Variants in LRRC27 observed in about 807,000 individuals in gnomAD.
LRRC27 encodes the protein leucine rich repeat containing 27, also known as leucine-rich repeat-containing protein 27.
LRRC27 carries 57 observed loss-of-function variants against 55.0 expected under a neutral mutation model. The observed-to-expected ratio is 1.04, with a 90% CI of 0.84 to 1.29. LRRC27 has a LOEUF of 1.29. LRRC27 is among the 50% of genes most tolerant of loss of function. The pLI, the probability that LRRC27 is intolerant of heterozygous loss-of-function variation, is 0.00. For missense variants in LRRC27, 721 were observed against 651.5 expected (o/e 1.11, Z -1.16); for synonymous variants, 278 against 251.9 (o/e 1.10, Z -0.98).
rs3812640 is a variant in LRRC27, at chr10:132,355,898, G to A, written c.1170+12G>A. 138 of 1,542,324 alleles carry A rather than the reference G, an allele frequency of 8.9e-5. No individual in the cohort carries two copies. The East Asian group carries it at 3.0e-3, about 33-fold the overall frequency. On this transcript the variant is annotated intron_variant, in intron 8 of 10. Transcript: ENST00000368614. ...CGCGGAGGAGCATGGTACGGCACGC[G>A]CGGGCGGTGACCGGGCACTAGTCCA...
intron 7 of LRRC27, among the ~76,000 whole-genome samples, chr10:132,355,477 A>G (rs1236302824): frequency 2.6e-5 from 4 of 152,200 alleles, no homozygotes; most frequent in Admixed American, 1.3e-4. Flanking sequence ...TGGCAGCCCC[A>G]GCTGGTGCCC....
Position 132,344,604 on chromosome 10 carries a change from G to A in LRRC27, c.507G>A (p.Arg169=). 6.2e-7 allele frequency: 1 copy of A among 1,614,132 alleles called. No homozygotes were observed. The highest frequency in any genetic ancestry group is 8.5e-7 in the Non-Finnish European group (1 of 1,180,018). Residue 169 remains arginine (R), a synonymous_variant, in exon 5 of 11, where the codon CGG becomes CGA. Coordinates refer to ENST00000368614, the MANE Select transcript of LRRC27 (RefSeq NM_030626.3). ...TGGTGGCTATCCAGCGCTTCCTGCG[G>A]ATGTGGGCAGTAGAACACTCTCTCC... ...KGLVAIQRFL[R]MWAVEHSLPR... is the part of the protein sequence containing the mutation.
chr10:132,361,376 T>C, intron 8 of LRRC27, 81 bp from the exon 9 acceptor site: 1 of 1,203,710 alleles, frequency 8.3e-7, no homozygotes, highest in Non-Finnish European at 1.2e-6. Flanking sequence ...GAGGAGCTAG[T>C]CTAACACACC....
intron 8 of LRRC27, among the ~76,000 whole-genome samples, chr10:132,360,977 T>A (rs1173394145): frequency 6.6e-6 from 1 of 152,160 alleles, no homozygotes; most frequent in Non-Finnish European, 1.5e-5. Context: ...ACGCCGCCGT[T>A]GGGGTGCTAG....
In LRRC27 at chr10:132,337,549, C is replaced by A; in HGVS notation, c.211-16C>A. ...TTGGTTAACAAAACATTCTCTGATTCTCTTTTCCATGGAAGCAATTGCATC... is the reference window on the plus strand; with the variant it reads ...TTGGTTAACAAAACATTCTCTGATTATCTTTTCCATGGAAGCAATTGCATC... On this transcript the variant is annotated splice_polypyrimidine_tract_variant and intron_variant, in intron 2 of 10. Transcript: ENST00000368614. 1.9e-6 allele frequency: 3 copies of A among 1,608,888 alleles called. No homozygotes were observed. The highest frequency in any genetic ancestry group is 2.5e-6 in the Non-Finnish European group (3 of 1,177,924).
intron 2 of LRRC27, chr10:132,336,829 G>A (rs746766356): frequency 6.6e-6 from 5 of 758,486 alleles, no homozygotes; most frequent in Admixed American, 1.9e-5. Flanking sequence ...ATATAATAAT[G>A]TGAGTATAAA....
At chr10:132,331,260 G>T (rs185637709), upstream of LRRC27, among the ~76,000 whole-genome samples, 3 of 150,178 alleles carry the variant, frequency 2.0e-5, no homozygotes, top group Non-Finnish European at 3.0e-5. Flanking sequence ...AACTGTCCGG[G>T]TTTCCAGAGT....
chr10:132,381,050 T>C lies in LRRC27; in HGVS notation c.*5808T>C, dbSNP rs1198767400. ...CATATTAAATGTCAACTTGATTAGA[T>C]TGAAGAATGTAAAGTATTGTTTCTG... is the stretch of plus-strand genomic sequence containing the variant. On this transcript the variant is annotated 3_prime_UTR_variant, in exon 11 of 11. Coordinates refer to ENST00000368614, the MANE Select transcript of LRRC27 (RefSeq NM_030626.3). Among the ~76,000 whole-genome samples, 1 of 152,212 alleles carries C rather than the reference T, an allele frequency of 6.6e-6. No homozygotes were observed. Among genetic ancestry groups the C allele is most frequent in the East Asian group, 1.9e-4 (1 of 5,196 alleles).
intron 10 of LRRC27, among the ~76,000 whole-genome samples, chr10:132,367,231 C>T (rs1426820212): frequency 1.3e-5 from 2 of 152,200 alleles, no homozygotes; most frequent in African/African-American, 4.8e-5. Context: ...GTATCTATTA[C>T]AGGAATTCAA....
intron 3 of LRRC27, among the ~76,000 whole-genome samples, 163 bp downstream of exon 3, chr10:132,337,858 C>A (rs1427540823): frequency 6.6e-6 from 1 of 152,200 alleles, no homozygotes; most frequent in Non-Finnish European, 1.5e-5. Flanking sequence ...GCTGAATGTA[C>A]CCAACACAGA....
At chr10:132,331,794 C>G (rs749627139), upstream of LRRC27, 40 of 1,599,958 alleles carry the variant, frequency 2.5e-5, no homozygotes, top group East Asian at 8.3e-4. Flanking sequence ...CCCTCGCGGT[C>G]TCTACTTGCC....
In LRRC27 at chr10:132,379,213, C is replaced by T. The variant is rs112417655; in HGVS notation, c.*3971C>T. On this transcript the variant is annotated 3_prime_UTR_variant, in exon 11 of 11. Coordinates refer to ENST00000368614, the MANE Select transcript of LRRC27 (RefSeq NM_030626.3). ...TCCTCTCCAGAGTTTCCTCTCACCTCCGTGTTCTCGGGGAGTGCGTGGTCT... is the reference window on the plus strand; with the variant it reads ...TCCTCTCCAGAGTTTCCTCTCACCTTCGTGTTCTCGGGGAGTGCGTGGTCT... 6,416 of 149,244 alleles carry T rather than the reference C, an allele frequency of 0.043. 54 individuals are homozygous for T. Among genetic ancestry groups the T allele is most frequent in the Middle Eastern group, 0.079 (22 of 280 alleles). The allele number at this position is 149,244 out of a possible 1,614,324, so 9.2% of individuals were successfully genotyped here. A position where few individuals can be genotyped will look rare whatever the true frequency, so the allele number is the denominator to read the frequency against.
At chr10:132,354,631 C>G (rs1467390523) in intron 7 of LRRC27, among the ~76,000 whole-genome samples, 1 of 152,226 alleles carries the variant, frequency 6.6e-6, no homozygotes, top group African/African-American at 2.4e-5. Context: ...CCAGGCAGCA[C>G]TGACTCGGGA....
chr10:132,352,729 A>G (rs370424426), intron 7 of LRRC27, among the ~76,000 whole-genome samples: 1 of 151,964 alleles, frequency 6.6e-6, no homozygotes, highest in South Asian at 2.1e-4. Flanking sequence ...CGTTGCGTGC[A>G]TGGGCTCCCT....
intron 9 of LRRC27, among the ~76,000 whole-genome samples, chr10:132,362,575 C>T (rs2068673213): frequency 6.6e-6 from 1 of 152,156 alleles, no homozygotes; most frequent in Non-Finnish European, 1.5e-5. Context: ...AGGGGCTTCA[C>T]TGGAGAGTGA....
intron 1 of LRRC27, 114 bp from the exon 2 acceptor site, chr10:132,333,363 G>A: frequency 2.3e-6 from 1 of 431,790 alleles, no homozygotes; most frequent in Non-Finnish European, 4.0e-6. Flanking sequence ...CTACTGCTTA[G>A]GAAAAATGAT....
chr10:132,361,697 C>CCCAGGCTGTGGCGGGCT, intron 9 of LRRC27, 122 bp downstream of exon 9: 2 of 749,898 alleles, frequency 2.7e-6, no homozygotes, highest in East Asian at 2.6e-5. Flanking sequence ...TGTGGCGGGC[C>CCCAGGCTGTGGCGGGCT]CCAGGCTGTG....
intron 5 of LRRC27, 95 bp from the exon 6 acceptor site, chr10:132,347,889 C>T: frequency 6.9e-7 from 1 of 1,458,630 alleles, no homozygotes. Context: ...CTGGGCACCC[C>T]ACCCCCCACC....
Position 132,364,587 on chromosome 10 carries a change from C to T in LRRC27, c.1290-837C>T. On this transcript the variant is annotated intron_variant, in intron 9 of 10. Coordinates refer to ENST00000368614, the MANE Select transcript of LRRC27 (RefSeq NM_030626.3). ...CACCCACGTCCACACCCTGGGGCCC[C>T]ACACTCAGGCAGTCCGCGTCCACGC... Among the ~76,000 whole-genome samples the T allele has an allele frequency of 2.1e-4, 6 of 28,208 alleles. 1 individual carries two copies. The highest frequency in any genetic ancestry group is 5.2e-4 in the African/African-American group (5 of 9,676). 18.5% of individuals were successfully genotyped at this position (28,208 alleles called of 152,430 possible).
Sources: gnomAD v4.1 joint callset for allele counts (sites outside exome capture counted in the v4.1 genomes callset) on GRCh38, gnomAD v4.1.1 for gene constraint, MANE v1.5 for transcripts, NCBI Gene and HGNC (gene_info 2026-07-23, HGNC 2026-07-21) for gene names.